PTPRT: variants seen among roughly 807,000 people sequenced by gnomAD.
PTPRT encodes receptor-type tyrosine-protein phosphatase T.
In PTPRT, 56 loss-of-function variants were observed where a neutral mutation model predicts 176.8. That is an observed-to-expected ratio of 0.32 (90% confidence interval 0.26 to 0.40). PTPRT has a LOEUF of 0.40. PTPRT is among the 10% of genes least tolerant of loss of function. The pLI, the probability that PTPRT is intolerant of heterozygous loss-of-function variation, is 1.00. For missense variants in PTPRT, 1,540 were observed against 1,908.2 expected (o/e 0.81, Z 3.60); for synonymous variants, 783 against 739.0 (o/e 1.06, Z -0.96).
At chr20:43,123,123 G>A (rs1035829468) in intron 1 of PTPRT, among the ~76,000 whole-genome samples, 2 of 152,142 alleles carry the variant, frequency 1.3e-5, no homozygotes, top group African/African-American at 4.8e-5. Context: ...CAAAGTGCTG[G>A]GATTACAGGC....
intron 13 of PTPRT, among the ~76,000 whole-genome samples, chr20:42,252,431 G>A (rs766559278): frequency 2.6e-5 from 4 of 152,202 alleles, no homozygotes; most frequent in Non-Finnish European, 5.9e-5. Flanking sequence ...AGGAGAAACA[G>A]ACCTAGAATA....
intron 16 of PTPRT, among the ~76,000 whole-genome samples, chr20:42,181,104 T>C (rs932057597): frequency 6.6e-6 from 1 of 152,222 alleles, no homozygotes; most frequent in African/African-American, 2.4e-5. Flanking sequence ...TATTAGTTTC[T>C]TGTACTTTCC....
chr20:42,517,751 T>C (rs1186040170), intron 7 of PTPRT, among the ~76,000 whole-genome samples: 1 of 151,972 alleles, frequency 6.6e-6, no homozygotes, highest in Non-Finnish European at 1.5e-5. Context: ...GACTCCAGAG[T>C]AATTTAGGAG....
chr20:42,535,887 A>G (rs112829448), intron 7 of PTPRT, among the ~76,000 whole-genome samples: 10 of 152,284 alleles, frequency 6.6e-5, no homozygotes, highest in African/African-American at 2.2e-4. Flanking sequence ...GGGCAACACA[A>G]AGATTGCAGG....
At chr20:42,437,110 G>A (rs982744489) in intron 9 of PTPRT, among the ~76,000 whole-genome samples, 1 of 152,222 alleles carries the variant, frequency 6.6e-6, no homozygotes, top group African/African-American at 2.4e-5. Flanking sequence ...ATGTGCTTAT[G>A]TAGATCATAA....
intron 7 of PTPRT, among the ~76,000 whole-genome samples, chr20:42,492,847 A>G (rs1307513716): frequency 1.3e-5 from 2 of 152,202 alleles, no homozygotes; most frequent in East Asian, 3.8e-4. Context: ...GCTCAAAAGA[A>G]TGACTTTCTC....
At chr20:42,378,696 A>G (rs887009138) in intron 9 of PTPRT, among the ~76,000 whole-genome samples, 3 of 152,202 alleles carry the variant, frequency 2.0e-5, no homozygotes, top group Non-Finnish European at 4.4e-5. Context: ...CTCTAGGTTC[A>G]GACTGCCTAT....
At chr20:42,244,235 T>C (rs2056408894) in intron 14 of PTPRT, among the ~76,000 whole-genome samples, 1 of 152,200 alleles carries the variant, frequency 6.6e-6, no homozygotes, top group Non-Finnish European at 1.5e-5. Context: ...CTCTGTCCCA[T>C]TAGACTGAGA....
chr20:42,592,388 C>A (rs2073595513), intron 7 of PTPRT, among the ~76,000 whole-genome samples: 1 of 152,128 alleles, frequency 6.6e-6, no homozygotes. Flanking sequence ...AGGTACATTG[C>A]ATAGATGAAC....
intron 7 of PTPRT, among the ~76,000 whole-genome samples, chr20:42,535,803 C>CG (rs1421392346): frequency 1.3e-5 from 2 of 152,038 alleles, no homozygotes; most frequent in Non-Finnish European, 2.9e-5. Context: ...AAGTTTGAAG[C>CG]GGGCTTGGTT....
At chr20:42,745,064 T>C (rs2076672937) in intron 6 of PTPRT, among the ~76,000 whole-genome samples, 1 of 152,154 alleles carries the variant, frequency 6.6e-6, no homozygotes, top group Non-Finnish European at 1.5e-5. Flanking sequence ...TCAGTCTGCA[T>C]TTACCTTTTG....
chr20:43,018,077 G>A (rs1985458859), intron 1 of PTPRT, among the ~76,000 whole-genome samples: 1 of 152,168 alleles, frequency 6.6e-6, no homozygotes. Context: ...GCAACTGAAG[G>A]AACTGCAGTT....
At chr20:42,690,721 G>T (rs35464114) in intron 6 of PTPRT, among the ~76,000 whole-genome samples, 15,999 of 152,180 alleles carry the variant, frequency 0.11, 972 homozygotes, top group African/African-American at 0.15. Context: ...GGGAAGTGAG[G>T]TGTACTGGAA....
chr20:42,675,117 C>A (rs1307646772), intron 7 of PTPRT, among the ~76,000 whole-genome samples: 1 of 152,174 alleles, frequency 6.6e-6, no homozygotes, highest in Non-Finnish European at 1.5e-5. Flanking sequence ...CCTTTTTCCC[C>A]AATTTCAGAC....
At chr20:42,065,405 T>C in the PTPRT span, among the ~76,000 whole-genome samples, 7 of 152,376 alleles carry the variant, frequency 4.6e-5, no homozygotes, top group Admixed American at 6.5e-5. Context: ...TTAATATGCT[T>C]GCTGCTGATA....
chr20:42,733,868 A>T (rs2076498208), intron 6 of PTPRT, among the ~76,000 whole-genome samples: 2 of 152,188 alleles, frequency 1.3e-5, no homozygotes, highest in Admixed American at 1.3e-4. Flanking sequence ...TACTGGGAGT[A>T]GGGAGGAAGG....
chr20:42,182,244 C>T (rs904665108), intron 16 of PTPRT, among the ~76,000 whole-genome samples: 15 of 152,108 alleles, frequency 9.9e-5, no homozygotes, highest in Non-Finnish European at 1.9e-4. Context: ...AAGCCAATAA[C>T]GGATTTTTGG....
intron 7 of PTPRT, among the ~76,000 whole-genome samples, chr20:42,554,207 A>C (rs2072820572): frequency 6.6e-6 from 1 of 152,126 alleles, no homozygotes; most frequent in Admixed American, 6.6e-5. Flanking sequence ...GGCATCCTTA[A>C]AATATTTTTA....
chr20:42,278,837 T>C (rs1356522990), intron 13 of PTPRT, among the ~76,000 whole-genome samples: 4 of 152,074 alleles, frequency 2.6e-5, no homozygotes, highest in Non-Finnish European at 5.9e-5. Flanking sequence ...CTCTGAAGTC[T>C]AAGTCCCTAC....
Sources: gnomAD v4.1 joint callset for allele counts (sites outside exome capture counted in the v4.1 genomes callset) on GRCh38, gnomAD v4.1.1 for gene constraint, MANE v1.5 for transcripts, NCBI Gene and HGNC (gene_info 2026-07-23, HGNC 2026-07-21) for gene names.